SMURF2: variants seen among roughly 807,000 people sequenced by gnomAD.
The protein encoded by SMURF2 is E3 ubiquitin-protein ligase SMURF2.
SMURF2 carries 48 observed loss-of-function variants against 109.6 expected under a neutral mutation model. The observed-to-expected ratio is 0.44, with a 90% CI of 0.35 to 0.56. The LOEUF (loss-of-function observed/expected upper bound fraction) is 0.56. Among genes scored for constraint, SMURF2 ranks in the 20% least tolerant of loss-of-function variants. The probability of loss-of-function intolerance (pLI) is 0.01; values close to 1 mark genes in which losing one functional copy is unlikely to be tolerated. For synonymous variants in SMURF2, 288 were observed against 317.1 expected (o/e 0.91, Z 0.97); for missense variants, 575 against 909.0 (o/e 0.63, Z 4.72).
chr17:64,650,204 CTTTTT>C (rs34557504), intron 1 of SMURF2, among the ~76,000 whole-genome samples: 1 of 132,620 alleles, frequency 7.5e-6, no homozygotes, highest in Admixed American at 7.7e-5. Flanking sequence ...TAAGACTTGC[CTTTTT>C]TTTTTTTTTT....
chr17:64,549,554 A>G (rs1969009804), intron 16 of SMURF2, among the ~76,000 whole-genome samples: 1 of 151,824 alleles, frequency 6.6e-6, no homozygotes, highest in Non-Finnish European at 1.5e-5. Flanking sequence ...TAAAAAGTTC[A>G]AGACCGGCCT....
rs550527619 is a variant in SMURF2, at chr17:64,615,909, A to G, written c.53-9269T>C. Among the ~76,000 whole-genome samples, 92 of 152,210 alleles carry G rather than the reference A, an allele frequency of 6.0e-4. No individual in the cohort carries two copies. The South Asian group carries it at 0.018, about 29-fold the overall frequency. ...CAATGGCGCGATCTCAGCTCACTGC[A>G]ATCTCTGCCTCCCAGGTTCAAGTGA... On this transcript the variant is annotated intron_variant, in intron 1 of 18. Coordinates refer to ENST00000262435, the MANE Select transcript of SMURF2 (RefSeq NM_022739.4).
In SMURF2 at chr17:64,551,697, C is replaced by G. The variant is rs1555683632; in HGVS notation, c.1756G>C (p.Val586Leu). The G allele has an allele frequency of 2.5e-6, 4 of 1,613,978 alleles. No individual in the cohort carries two copies. In the Admixed American group the frequency reaches 6.7e-5, roughly 27 times the overall value. The change falls in exon 16 of 19, where the codon GTG (valine) becomes CTG (leucine). Residue 586 changes from valine (V) to leucine (L), a missense_variant. This residue lies in a region of SMURF2 where 361 missense variants were observed against 612.1 expected (regional missense o/e 0.59). Transcript: ENST00000262435. ...ATGCCTCGTAAAAATCTCCAGTTCA[C>G]ATAGAGCCTGTAAACATTCGGCAGG... ...ENKKEYVRLY[V>L]NWRFLRGIEA...
chr17:64,611,104 G>A (rs1042270641), intron 1 of SMURF2, among the ~76,000 whole-genome samples: 11 of 152,022 alleles, frequency 7.2e-5, no homozygotes, highest in African/African-American at 2.7e-4. Context: ...AGTTCTTCAG[G>A]GTTTTGCCCT....
chr17:64,638,062 C>CTTT (rs1195172818), intron 1 of SMURF2, among the ~76,000 whole-genome samples: 62 of 102,420 alleles, frequency 6.1e-4, no homozygotes, highest in Non-Finnish European at 7.5e-4. Flanking sequence ...TTTCCTTTTT[C>CTTT]TTTTTTTTTT....
chr17:64,568,854 T>C (rs959708115), intron 10 of SMURF2, among the ~76,000 whole-genome samples: 5 of 151,234 alleles, frequency 3.3e-5, no homozygotes, highest in African/African-American at 1.2e-4. Context: ...ATACAAAAAT[T>C]AGCTGGGCGT....
At chr17:64,557,855 T>C (rs1270062684) in intron 12 of SMURF2, 133 bp from the exon 13 acceptor site, 3 of 544,184 alleles carry the variant, frequency 5.5e-6, no homozygotes, top group East Asian at 3.0e-5. Flanking sequence ...ACTACAGTTA[T>C]ATAAGATCAC....
chr17:64,615,304 C>T (rs1488616293), intron 1 of SMURF2, among the ~76,000 whole-genome samples: 2 of 152,144 alleles, frequency 1.3e-5, no homozygotes, highest in Non-Finnish European at 2.9e-5. Flanking sequence ...TTCCTTCACC[C>T]CACAAAAAGA....
intron 3 of SMURF2, among the ~76,000 whole-genome samples, chr17:64,596,585 CAAAAAAAAA>C (rs201858792): frequency 1.1e-4 from 5 of 45,470 alleles, no homozygotes; most frequent in South Asian, 2.1e-3. Flanking sequence ...GGAGAGTAAA[CAAAAAAAAA>C]AAAAAAAAAA....
chr17:64,576,986 C>T (rs767288591), intron 9 of SMURF2, among the ~76,000 whole-genome samples: 5 of 149,624 alleles, frequency 3.3e-5, no homozygotes, highest in African/African-American at 4.9e-5. Context: ...TTTAGCCTCG[C>T]GAGCAGCTGG....
intron 9 of SMURF2, among the ~76,000 whole-genome samples, chr17:64,577,980 CTGTGGCCAGG>C (rs1555686216): frequency 7.3e-6 from 1 of 136,716 alleles, no homozygotes; most frequent in African/African-American, 2.7e-5. Context: ...GAGTCTCGCT[CTGTGGCCAGG>C]CTGGAGTGCA....
intron 1 of SMURF2, among the ~76,000 whole-genome samples, chr17:64,651,228 C>T (rs1970634902): frequency 6.7e-6 from 1 of 148,272 alleles, no homozygotes; most frequent in Non-Finnish European, 1.5e-5. Flanking sequence ...TATATATATG[C>T]TTACATTTTA....
chr17:64,598,618 G>A (rs1474864968), intron 2 of SMURF2, 128 bp from the exon 3 acceptor site: 6 of 638,614 alleles, frequency 9.4e-6, no homozygotes, highest in Non-Finnish European at 1.2e-5. Flanking sequence ...AGCTATAAAT[G>A]AATAGTCCAT....
chr17:64,609,851 T>A (rs1555689355), intron 1 of SMURF2, among the ~76,000 whole-genome samples: 2 of 150,786 alleles, frequency 1.3e-5, no homozygotes, highest in East Asian at 3.9e-4. Flanking sequence ...GGAGAAAAAA[T>A]TTGCAATCTA....
At chr17:64,600,050 A>G (rs1310930794) in intron 2 of SMURF2, among the ~76,000 whole-genome samples, 1 of 152,186 alleles carries the variant, frequency 6.6e-6, no homozygotes, top group Admixed American at 6.5e-5. Flanking sequence ...GTTCTTGAGC[A>G]TGGCTGTAAC....
chr17:64,615,841 C>CTT (rs199805180), intron 1 of SMURF2, among the ~76,000 whole-genome samples: 5 of 148,844 alleles, frequency 3.4e-5, no homozygotes, highest in South Asian at 2.1e-4. Context: ...AAATAATTTC[C>CTT]TTTTTTTTTT....
rs989964866 is a variant in SMURF2, at chr17:64,542,406, T to C, written c.*3442A>G. The stretch of plus-strand genomic sequence containing the variant: ...ATACAGATGTTACTGATAAAGCTCA[T>C]GTAACAAATGAATGAAAATACAAAG... On this transcript the variant is annotated 3_prime_UTR_variant, in exon 19 of 19. Transcript: ENST00000262435. 7 of 152,100 alleles carry C rather than the reference T, an allele frequency of 4.6e-5. No homozygotes were observed. The Middle Eastern group carries it at 0.014, about 296-fold the overall frequency. The allele number at this position is 152,100 out of a possible 1,614,324, so 9.4% of individuals were successfully genotyped here. A position where few individuals can be genotyped will look rare whatever the true frequency, so the allele number is the denominator to read the frequency against.
chr17:64,621,358 T>C (rs571177589), intron 1 of SMURF2, among the ~76,000 whole-genome samples: 2 of 152,208 alleles, frequency 1.3e-5, no homozygotes, highest in East Asian at 3.9e-4. Flanking sequence ...GGTGGGTGGA[T>C]CACCTGAGGT....
intron 1 of SMURF2, among the ~76,000 whole-genome samples, chr17:64,631,782 T>C (rs868929738): frequency 6.6e-6 from 1 of 152,210 alleles, no homozygotes; most frequent in Non-Finnish European, 1.5e-5. Flanking sequence ...TTAATATGCA[T>C]TGAGCATTTA....
Sources: allele counts gnomAD v4.1 joint callset (sites outside exome capture counted in the v4.1 genomes callset), GRCh38; gene constraint gnomAD v4.1.1; regional missense constraint gnomAD v4.1.1; transcripts MANE v1.5; gene names NCBI Gene and HGNC (gene_info 2026-07-23, HGNC 2026-07-21).